EP300: variants seen among roughly 807,000 people sequenced by gnomAD.
EP300 encodes EP300 lysine acetyltransferase, also known as histone acetyltransferase p300.
EP300 carries 31 observed loss-of-function variants against 264.0 expected under a neutral mutation model. That is an observed-to-expected ratio of 0.12 (90% CI 0.09 to 0.16). The LOEUF (loss-of-function observed/expected upper bound fraction) is 0.16, where lower values mean the gene tolerates loss of function less well. Among genes scored for constraint, EP300 ranks in the 10% least tolerant of loss-of-function variants. EP300 has a pLI of 1.00. For synonymous variants in EP300, 1,340 were observed against 1,045.4 expected (o/e 1.28, Z -5.44); for missense variants, 2,766 against 3,052.9 (o/e 0.91, Z 2.21).
intron 20 of EP300, 101 bp downstream of exon 20, chr22:41,160,823 G>C (rs1601627058): frequency 9.3e-7 from 1 of 1,076,994 alleles, no homozygotes; most frequent in South Asian, 1.3e-5. Context: ...GTTGAATATG[G>C]TAGCCATTAG....
intron 1 of EP300, among the ~76,000 whole-genome samples, chr22:41,104,296 G>GT (rs879841709): frequency 0.015 from 2,151 of 146,290 alleles, 37 homozygotes; most frequent in African/African-American, 0.038. Context: ...AGTTTTTTTG[G>GT]TTTTTTTTTT....
At position 41,172,682 on chromosome 22, in the gene EP300, CT is replaced by C. The variant is rs2059177536; in HGVS notation, c.4617+22del. ...CACAGATGTAAGGGCATTGAGTTTC[CT>C]TTGAAACTTCTATCATGATTCTAAT... On this transcript the variant is annotated intron_variant, in intron 28 of 30. Transcript: ENST00000263253. 6.2e-7 allele frequency: 1 copy of C among 1,606,872 alleles called. No individual in the cohort carries two copies. The highest frequency in any genetic ancestry group is 8.5e-7 in the Non-Finnish European group (1 of 1,175,826).
At chr22:41,125,571 G>T (rs1036529070) in intron 2 of EP300, among the ~76,000 whole-genome samples, 3 of 152,110 alleles carry the variant, frequency 2.0e-5, no homozygotes, top group Admixed American at 6.5e-5. Context: ...CGGCCACTTG[G>T]TTTTTTGCCA....
intron 1 of EP300, 100 bp downstream of exon 1, chr22:41,093,198 C>T: frequency 1.0e-5 from 12 of 1,161,354 alleles, no homozygotes; most frequent in South Asian, 6.6e-5. Flanking sequence ...CTCTCTAGTT[C>T]CCTGCCCCTT....
chr22:41,178,218 C>T lies in EP300; in HGVS notation c.6507C>T (p.Asn2169=), dbSNP rs371107766. 3.7e-6 allele frequency: 6 copies of T among 1,614,028 alleles called. No homozygotes were observed. In the South Asian group the frequency reaches 4.4e-5, roughly 12 times the overall value. Reference sequence around the variant, plus strand: ...TGAGCCCCCAGGCTCAGCAGATGAACATGAACCACAACACCATGCCTTCAC... The same window carrying T: ...TGAGCCCCCAGGCTCAGCAGATGAATATGAACCACAACACCATGCCTTCAC... The part of the protein sequence containing the change: ...GGMSPQAQQM[N]MNHNTMPSQF... Residue 2169 remains asparagine, a synonymous_variant, in exon 31 of 31, where the codon AAC becomes AAT. Coordinates refer to ENST00000263253, the MANE Select transcript of EP300 (RefSeq NM_001429.4).
chr22:41,140,670 G>C (rs948492458), intron 9 of EP300, among the ~76,000 whole-genome samples: 1 of 152,056 alleles, frequency 6.6e-6, no homozygotes, highest in African/African-American at 2.4e-5. Context: ...ATGGTGGCAC[G>C]TGCCTGTTGT....
At chr22:41,162,881 G>T in intron 21 of EP300, 102 bp downstream of exon 21, 1 of 992,908 alleles carries the variant, frequency 1.0e-6, no homozygotes, top group Non-Finnish European at 1.6e-6. Flanking sequence ...TATATTCTTG[G>T]GCTAAATCTA....
At chr22:41,162,607 T>C in intron 20 of EP300, 116 bp from the exon 21 acceptor site, 1 of 767,960 alleles carries the variant, frequency 1.3e-6, no homozygotes, top group Non-Finnish European at 2.3e-6. Context: ...TTTAAATGTG[T>C]ATTCTTAAAA....
rs201058616 is a variant in EP300, at chr22:41,125,854, T to A, written c.730-10T>A. The stretch of plus-strand genomic sequence containing the variant: ...TGCTTATTTTGTTTTCTTTTGTTTC[T>A]TACTCTTAGATGGGAATGATGAACA... On this transcript the variant is annotated splice_polypyrimidine_tract_variant and intron_variant, in intron 2 of 30. Coordinates refer to ENST00000263253, the MANE Select transcript of EP300 (RefSeq NM_001429.4). 1 of 1,576,886 alleles carries A rather than the reference T, an allele frequency of 6.3e-7. No homozygotes were observed. The highest frequency in any genetic ancestry group is 1.7e-5 in the African/African-American group (1 of 58,792).
intron 12 of EP300, 78 bp from the exon 13 acceptor site, chr22:41,148,960 G>A (rs1390621713): frequency 1.3e-6 from 2 of 1,598,182 alleles, no homozygotes; most frequent in Non-Finnish European, 1.7e-6. Flanking sequence ...CTGACGTTAG[G>A]AGCATTTGAT....
chr22:41,126,323 G>A, intron 3 of EP300: 1 of 393,222 alleles, frequency 2.5e-6, no homozygotes, highest in Non-Finnish European at 4.7e-6. Context: ...ACTTGGTCTT[G>A]TGAGCGTTTC....
chr22:41,161,576 C>T lies in EP300; in HGVS notation c.3671+854C>T, dbSNP rs2059108727. 3.9e-5 allele frequency among the ~76,000 whole-genome samples: 6 copies of T among 152,016 alleles called. No individual in the cohort carries two copies. The South Asian group carries it at 1.2e-3, about 31-fold the overall frequency. On this transcript the variant is annotated intron_variant, in intron 20 of 30. Transcript: ENST00000263253. ...AGCTTGCAGTGAGCTGAGATTGGGCCACTGCATTCCAGCCTGGGCGACAGA... is the reference window on the plus strand; with the variant it reads ...AGCTTGCAGTGAGCTGAGATTGGGCTACTGCATTCCAGCCTGGGCGACAGA...
At chr22:41,173,208 C>G (rs2059180800) in intron 28 of EP300, among the ~76,000 whole-genome samples, 1 of 152,154 alleles carries the variant, frequency 6.6e-6, no homozygotes, top group Non-Finnish European at 1.5e-5. Flanking sequence ...CTCTTACAGC[C>G]TTGTCATTTA....
At chr22:41,099,328 C>T (rs1352960745) in intron 1 of EP300, among the ~76,000 whole-genome samples, 3 of 152,032 alleles carry the variant, frequency 2.0e-5, no homozygotes, top group East Asian at 1.9e-4. Context: ...CCACCGCGCC[C>T]GGCCTGTTTT....
intron 20 of EP300, 35 bp downstream of exon 20, chr22:41,160,757 A>AGTTTGTT: frequency 1.9e-6 from 3 of 1,584,848 alleles, no homozygotes; most frequent in Non-Finnish European, 2.6e-6. Flanking sequence ...AGTGCTAATT[A>AGTTTGTT]GTTTGTTGTC....
At chr22:41,135,943 A>C (rs748279419) in intron 7 of EP300, 37 bp downstream of exon 7, 1 of 1,409,526 alleles carries the variant, frequency 7.1e-7, no homozygotes, top group Non-Finnish European at 1.0e-6. Context: ...GGGTCACATT[A>C]CAAATACTAC....
chr22:41,159,957 A>G (rs1276539126), intron 19 of EP300: 1 of 144,704 alleles, frequency 6.9e-6, no homozygotes, highest in Non-Finnish European at 1.5e-5. Flanking sequence ...TATAGGTATG[A>G]GCCACCACGC....
At chr22:41,160,753 A>G (rs2059103678) in intron 20 of EP300, 31 bp downstream of exon 20, 1 of 1,593,018 alleles carries the variant, frequency 6.3e-7, no homozygotes, top group South Asian at 1.1e-5. Flanking sequence ...GAAAAGTGCT[A>G]ATTAGTTTGT....
chr22:41,154,000 A>G (rs1264505564), intron 16 of EP300, among the ~76,000 whole-genome samples: 3 of 152,202 alleles, frequency 2.0e-5, no homozygotes, highest in African/African-American at 7.2e-5. Context: ...CTGGCTTCTC[A>G]AAGAACTGTT....
Sources: gnomAD v4.1 joint callset for allele counts (sites outside exome capture counted in the v4.1 genomes callset) on GRCh38, gnomAD v4.1.1 for gene constraint, MANE v1.5 for transcripts, NCBI Gene and HGNC (gene_info 2026-07-23, HGNC 2026-07-21) for gene names.